Variants in IQGAP2 observed in about 807,000 individuals in gnomAD.
IQGAP2 encodes IQ motif containing GTPase activating protein 2.
In IQGAP2, 173 loss-of-function variants were observed where a neutral mutation model predicts 201.3. The observed-to-expected ratio is 0.86, with a 90% CI of 0.76 to 0.98. The LOEUF (loss-of-function observed/expected upper bound fraction) is 0.98. Among genes scored for constraint, IQGAP2 ranks in the 50% least tolerant of loss-of-function variants. IQGAP2 has a pLI of 0.00. For missense variants in IQGAP2, 1,687 were observed against 1,864.8 expected (o/e 0.90, Z 1.76); for synonymous variants, 675 against 673.9 (o/e 1.00, Z -0.03).
At chr5:76,509,498 G>A (rs1016084681) in intron 2 of IQGAP2, among the ~76,000 whole-genome samples, 5 of 151,646 alleles carry the variant, frequency 3.3e-5, no homozygotes, top group South Asian at 2.1e-4. Flanking sequence ...CCGGTTTCAC[G>A]CCATTCTTCT....
chr5:76,420,445 G>C (rs570016520), intron 1 of IQGAP2, among the ~76,000 whole-genome samples: 1 of 148,108 alleles, frequency 6.8e-6, no homozygotes, highest in East Asian at 2.0e-4. Flanking sequence ...GCATGATCTC[G>C]GCTCACTGCA....
In IQGAP2 at chr5:76,539,466, G is replaced by A. The variant is rs1580410034; in HGVS notation, c.147-22930G>A. Among the ~76,000 whole-genome samples, 5 of 152,134 alleles carry A rather than the reference G, an allele frequency of 3.3e-5. No homozygotes were observed. The East Asian group carries it at 5.8e-4, about 18-fold the overall frequency. ...CTGCAGTGCCAGCCTGGAAGGGAGC[G>A]GGAAACTGTGAAGTCTTCAGCTCAG... On this transcript the variant is annotated intron_variant, in intron 2 of 35. Coordinates refer to ENST00000274364, the MANE Select transcript of IQGAP2 (RefSeq NM_006633.5).
At chr5:76,694,616 A>T (rs575687679) in intron 31 of IQGAP2, among the ~76,000 whole-genome samples, 1 of 152,338 alleles carries the variant, frequency 6.6e-6, no homozygotes, top group Middle Eastern at 3.4e-3. Flanking sequence ...GTACATCTGT[A>T]TCTGGTGCAC....
intron 5 of IQGAP2, among the ~76,000 whole-genome samples, chr5:76,579,037 A>G (rs1745658996): frequency 6.6e-6 from 1 of 152,144 alleles, no homozygotes; most frequent in Non-Finnish European, 1.5e-5. Flanking sequence ...TTAAACAGTC[A>G]TAAAAGTGAG....
At chr5:76,508,732 A>T (rs891990857) in intron 2 of IQGAP2, among the ~76,000 whole-genome samples, 7 of 151,270 alleles carry the variant, frequency 4.6e-5, no homozygotes, top group Admixed American at 1.3e-4. Flanking sequence ...CGTGAGAGGC[A>T]TACAAATTCA....
intron 1 of IQGAP2, among the ~76,000 whole-genome samples, chr5:76,418,594 G>A (rs4403164): frequency 0.11 from 3,008 of 26,244 alleles, 102 homozygotes; most frequent in East Asian, 0.28. Flanking sequence ...ACTCCATCTC[G>A]AAAAAAAAAA....
chr5:76,411,377 A>G (rs374284566), intron 1 of IQGAP2, among the ~76,000 whole-genome samples: 6 of 152,308 alleles, frequency 3.9e-5, no homozygotes, highest in African/African-American at 1.4e-4. Context: ...TAATTCTGCT[A>G]TGACTTTAAG....
chr5:76,403,429 G>A lies in IQGAP2; in HGVS notation c.-117G>A, dbSNP rs1042029287. On this transcript the variant is annotated 5_prime_UTR_variant, in exon 1 of 36. Transcript: ENST00000274364. The surrounding 1 kb of genome is among the most constrained non-coding windows in gnomAD (Gnocchi z 4.8). The stretch of plus-strand genomic sequence containing the variant: ...GGGTCGCAGATCTTCGGGCGGCTAG[G>A]GGAAATCGGCGAGAGGCGGGATCCG... 35 of 729,832 alleles carry A rather than the reference G, an allele frequency of 4.8e-5. No individual in the cohort carries two copies. The highest frequency in any genetic ancestry group is 2.6e-4 in the Admixed American group (6 of 22,768). The allele number at this position is 729,832 out of a possible 1,614,324, so 45.2% of individuals were successfully genotyped here.
chr5:76,404,334 C>A, intron 1 of IQGAP2: 1 of 354,934 alleles, frequency 2.8e-6, no homozygotes, highest in Non-Finnish European at 3.9e-6. Context: ...TTTGGCCGAT[C>A]GTGAGTGGAT....
intron 2 of IQGAP2, among the ~76,000 whole-genome samples, chr5:76,546,125 G>T (rs1743081096): frequency 6.6e-6 from 1 of 152,198 alleles, no homozygotes; most frequent in Non-Finnish European, 1.5e-5. Flanking sequence ...GAACACAGGT[G>T]TCTATATCCA....
At chr5:76,466,246 C>T (rs774618754) in intron 2 of IQGAP2, among the ~76,000 whole-genome samples, 25 of 151,976 alleles carry the variant, frequency 1.6e-4, no homozygotes, top group Non-Finnish European at 3.4e-4. Flanking sequence ...GAGGCTGAGG[C>T]GTGAAGATCA....
chr5:76,592,856 G>C lies in IQGAP2; in HGVS notation c.838G>C (p.Glu280Gln). ...ARLKNSCISE[E>Q]ERDAYEELLT... is the part of the protein sequence containing the mutation. The stretch of plus-strand genomic sequence containing the variant: ...TTTGCAGAATAGCTGTATTTCAGAA[G>C]AAGAAAGAGATGCTTATGAAGAACT... The change falls in exon 9 of 36, where the codon GAA (glutamate) becomes CAA (glutamine). Residue 280 changes from glutamate to glutamine, a missense_variant. By Grantham distance (29) the Glu-to-Gln change is conservative. Coordinates refer to ENST00000274364, the MANE Select transcript of IQGAP2 (RefSeq NM_006633.5). 1 of 1,610,552 alleles carries C rather than the reference G, an allele frequency of 6.2e-7. No homozygotes were observed. Among genetic ancestry groups the C allele is most frequent in the Non-Finnish European group, 8.5e-7 (1 of 1,176,964 alleles).
chr5:76,583,215 T>G (rs1561483242), intron 5 of IQGAP2, among the ~76,000 whole-genome samples: 1 of 152,206 alleles, frequency 6.6e-6, no homozygotes. Context: ...TCCTATATAC[T>G]TCAGGTAATA....
intron 2 of IQGAP2, among the ~76,000 whole-genome samples, chr5:76,500,099 C>A (rs1453102895): frequency 1.3e-5 from 2 of 151,972 alleles, no homozygotes; most frequent in African/African-American, 2.4e-5. Context: ...CAGAGAGAGA[C>A]CCTGTCTCAA....
At chr5:76,449,093 G>C (rs904967304) in intron 1 of IQGAP2, among the ~76,000 whole-genome samples, 1 of 152,148 alleles carries the variant, frequency 6.6e-6, no homozygotes, top group African/African-American at 2.4e-5. Context: ...TCAAAGACTT[G>C]GAAGGGTGGA....
At chr5:76,459,783 T>A (rs1452823195) in intron 1 of IQGAP2, among the ~76,000 whole-genome samples, 2 of 152,002 alleles carry the variant, frequency 1.3e-5, no homozygotes. Flanking sequence ...GGATTACAGC[T>A]GGGATTACCA....
chr5:76,612,748 G>T (rs900513224), intron 13 of IQGAP2, among the ~76,000 whole-genome samples: 1 of 152,042 alleles, frequency 6.6e-6, no homozygotes, highest in African/African-American at 2.4e-5. Context: ...TTGTGTATGT[G>T]TTGGGGGAGG....
At chr5:76,586,661 C>T (rs2150301553) in intron 5 of IQGAP2, among the ~76,000 whole-genome samples, 1 of 151,866 alleles carries the variant, frequency 6.6e-6, no homozygotes, top group Non-Finnish European at 1.5e-5. Flanking sequence ...GTCTAGTGGG[C>T]CATGCCCATC....
rs1321440380 is a variant in IQGAP2 at position 76,652,811 on chromosome 5, A to G, written c.2156A>G (p.Asp719Gly). The G allele has an allele frequency of 1.2e-6, 2 of 1,606,128 alleles. No homozygotes were observed. The change falls in exon 18 of 36, where the codon GAT (aspartate) becomes GGT (glycine). Residue 719 changes from aspartate to glycine, a missense_variant. Physicochemically the swap from Asp to Gly is moderately conservative, Grantham distance 94. Transcript: ENST00000274364. ...ATGCACAGGCGGCAAACGTTCATTG[A>G]TAATACTGATTCTATTGTGAAGGTA... Reference protein sequence around the residue: ...EYMHRRQTFIDNTDSIVKIQS... With the variant: ...EYMHRRQTFIGNTDSIVKIQS...
Sources: allele counts gnomAD v4.1 joint callset (sites outside exome capture counted in the v4.1 genomes callset), GRCh38; gene constraint gnomAD v4.1.1; non-coding constraint Gnocchi (gnomAD v3.1); transcripts MANE v1.5; gene names NCBI Gene and HGNC (gene_info 2026-07-23, HGNC 2026-07-21).